The following DMD variants were observed in gnomAD, a reference collection of about 807,000 sequenced individuals.
The protein encoded by DMD is dystrophin.
A neutral mutation model predicts 330.1 loss-of-function variants in DMD; 63 were observed. That is an observed-to-expected ratio of 0.19 (90% CI 0.16 to 0.24). The LOEUF (loss-of-function observed/expected upper bound fraction) is 0.24. Among genes scored for constraint, DMD ranks in the 10% least tolerant of loss-of-function variants. The pLI is 1.00. For synonymous variants in DMD, 1,223 were observed against 959.8 expected (o/e 1.27, Z -5.07); for missense variants, 3,344 against 2,684.1 (o/e 1.25, Z -5.43).
At chrX:33,185,638 T>C (rs765702000) in intron 1 of DMD, among the ~76,000 whole-genome samples, 1 of 111,592 alleles carries the variant, frequency 9.0e-6, no homozygotes, top group South Asian at 3.8e-4. Flanking sequence ...ACTTTTATTA[T>C]CTACCCACCT....
At chrX:32,878,052 G>C (rs1425307167) in intron 2 of DMD, among the ~76,000 whole-genome samples, 1 of 112,263 alleles carries the variant, frequency 8.9e-6, no homozygotes, top group Non-Finnish European at 1.9e-5. Context: ...TCTAATTACA[G>C]TAATAAAGGC....
At chrX:32,033,944 T>C (rs2095916935) in intron 44 of DMD, among the ~76,000 whole-genome samples, 1 of 111,959 alleles carries the variant, frequency 8.9e-6, no homozygotes, top group South Asian at 3.7e-4. Flanking sequence ...TGATACAGAT[T>C]ATCAAAAGAT....
At chrX:31,911,886 T>C (rs1357564725) in intron 47 of DMD, among the ~76,000 whole-genome samples, 1 of 111,408 alleles carries the variant, frequency 9.0e-6, no homozygotes, top group African/African-American at 3.3e-5. Flanking sequence ...TTGAAGCAAA[T>C]TGGAAAGGCG....
intron 16 of DMD, among the ~76,000 whole-genome samples, chrX:32,554,990 A>G (rs1473312883): frequency 9.2e-6 from 1 of 108,510 alleles, no homozygotes; most frequent in African/African-American, 3.3e-5. Flanking sequence ...AGAGAAAGAA[A>G]GAGAGAAAGA....
chrX:32,542,344 A>T (rs1394025446), intron 17 of DMD, among the ~76,000 whole-genome samples: 1 of 111,767 alleles, frequency 8.9e-6, no homozygotes, highest in Non-Finnish European at 1.9e-5. Flanking sequence ...GAGGCAGAGA[A>T]TTGCTTGAAA....
intron 44 of DMD, among the ~76,000 whole-genome samples, chrX:32,030,210 C>T (rs1171709285): frequency 3.6e-5 from 4 of 112,234 alleles, no homozygotes; most frequent in Non-Finnish European, 7.5e-5. Context: ...CTGATCCTCG[C>T]TTTCTCCCAA....
chrX:31,524,312 T>C (rs1403574335), intron 55 of DMD, among the ~76,000 whole-genome samples: 2 of 112,370 alleles, frequency 1.8e-5, no homozygotes. Context: ...CTGATGGTAA[T>C]GTTTTAGCTG....
chrX:32,782,047 T>G (rs773260929), intron 7 of DMD, among the ~76,000 whole-genome samples: 1 of 111,778 alleles, frequency 8.9e-6, no homozygotes, highest in South Asian at 3.7e-4. Flanking sequence ...CATTTAAATA[T>G]GAAATAGTAA....
intron 43 of DMD, among the ~76,000 whole-genome samples, chrX:32,258,027 A>G (rs1221987351): frequency 9.0e-6 from 1 of 111,593 alleles, no homozygotes; most frequent in African/African-American, 3.3e-5. Context: ...ACTTCTCAAA[A>G]CAAGACATTT....
chrX:32,736,222 T>C (rs760935689), intron 7 of DMD, among the ~76,000 whole-genome samples: 61 of 111,556 alleles, frequency 5.5e-4, no homozygotes, highest in Non-Finnish European at 1.0e-3. Flanking sequence ...TGAGATACCA[T>C]CTCACACCAG....
intron 1 of DMD, among the ~76,000 whole-genome samples, chrX:33,034,124 A>G (rs1031682093): frequency 9.0e-6 from 1 of 111,092 alleles, no homozygotes; most frequent in African/African-American, 3.3e-5. Context: ...TATAAAGTTC[A>G]TATATGCATG....
intron 2 of DMD, among the ~76,000 whole-genome samples, chrX:32,960,712 T>C (rs1237942947): frequency 9.0e-6 from 1 of 111,138 alleles, no homozygotes; most frequent in Non-Finnish European, 1.9e-5. Context: ...TATAATAGTG[T>C]ATTACTGATT....
intron 43 of DMD, among the ~76,000 whole-genome samples, chrX:32,268,123 AG>A (rs1402895946): frequency 9.0e-6 from 1 of 111,214 alleles, no homozygotes; most frequent in African/African-American, 3.3e-5. Context: ...CCAGCTGGAT[AG>A]GGAAGTGCAG....
intron 11 of DMD, among the ~76,000 whole-genome samples, chrX:32,636,065 A>G (rs188228279): frequency 8.6e-4 from 96 of 112,098 alleles, no homozygotes; most frequent in Middle Eastern, 4.2e-3. Flanking sequence ...GTGTGTATAA[A>G]TCTTAGGCAC....
chrX:32,504,976 G>C (rs1277481839), intron 18 of DMD, among the ~76,000 whole-genome samples: 1 of 112,188 alleles, frequency 8.9e-6, no homozygotes, highest in Non-Finnish European at 1.9e-5. Context: ...GTAACTGCTT[G>C]AAAGTAATTG....
At chrX:31,237,886 A>G (rs748605326) in intron 63 of DMD, among the ~76,000 whole-genome samples, 1 of 109,917 alleles carries the variant, frequency 9.1e-6, no homozygotes, top group Non-Finnish European at 1.9e-5. Flanking sequence ...CGCCCAGCTA[A>G]TTTTCATATT....
Position 32,645,482 on chromosome X carries a change from A to G in DMD, c.961-330T>C, listed in dbSNP as rs1482371605. On this transcript the variant is annotated intron_variant, in intron 9 of 78. Transcript: ENST00000357033. ...TCTGTAGGAACTTTCCTCATTTCTT[A>G]TTTATAATAACTTACATATACATTA... is the stretch of plus-strand genomic sequence containing the variant. Among the ~76,000 whole-genome samples the G allele has an allele frequency of 4.5e-5, 5 of 112,169 alleles. No homozygotes were observed. The East Asian group carries it at 1.1e-3, about 25-fold the overall frequency.
chrX:32,561,870 G>C (rs945388690), intron 16 of DMD, among the ~76,000 whole-genome samples: 3 of 112,000 alleles, frequency 2.7e-5, no homozygotes, highest in African/African-American at 9.7e-5. Flanking sequence ...AGCCAGTAGA[G>C]ATTGGGGGCT....
intron 44 of DMD, among the ~76,000 whole-genome samples, chrX:32,116,149 G>A (rs1487575950): frequency 9.0e-6 from 1 of 111,002 alleles, no homozygotes; most frequent in East Asian, 2.8e-4. Flanking sequence ...CTATTTGTTG[G>A]CTAGGTCAAG....
Sources: gnomAD v4.1 joint callset for allele counts (sites outside exome capture counted in the v4.1 genomes callset) on GRCh38, gnomAD v4.1.1 for gene constraint, MANE v1.5 for transcripts, NCBI Gene and HGNC (gene_info 2026-07-23, HGNC 2026-07-21) for gene names.